SV2A: variants seen among roughly 807,000 people sequenced by gnomAD.
SV2A encodes solute carrier family 22 member B1.
SV2A carries 25 observed loss-of-function variants against 78.0 expected under a neutral mutation model. The ratio of observed to expected loss-of-function variants is 0.32; its 90% CI spans 0.23 to 0.45. The LOEUF (loss-of-function observed/expected upper bound fraction) is 0.45, where lower values mean the gene tolerates loss of function less well. SV2A is among the 20% of genes least tolerant of loss of function. SV2A has a pLI of 1.00. For synonymous variants in SV2A, 355 were observed against 384.7 expected, an observed-to-expected ratio of 0.92 and a Z score of 0.90; for missense variants, 752 against 971.5, an observed-to-expected ratio of 0.77 and a Z score of 3.00.
chr1:149,914,353 C>T (rs1365837047), intron 1 of SV2A, among the ~76,000 whole-genome samples, 166 bp from the exon 2 acceptor site: 1 of 152,148 alleles, frequency 6.6e-6, no homozygotes, highest in African/African-American at 2.4e-5. Context: ...GCTATCTGGG[C>T]TAACCGGGTC....
At chr1:149,911,114 C>A in intron 3 of SV2A, 137 bp from the exon 4 acceptor site, 1 of 1,164,158 alleles carries the variant, frequency 8.6e-7, no homozygotes, top group Non-Finnish European at 1.2e-6. Flanking sequence ...GCCTTACAAG[C>A]TCCCATGTGG....
chr1:149,909,963 C>T, intron 5 of SV2A, 73 bp from the exon 6 acceptor site: 1 of 1,424,592 alleles, frequency 7.0e-7, no homozygotes, highest in Non-Finnish European at 9.8e-7. Flanking sequence ...CCCCTCCCTC[C>T]CACCTGGCTT....
rs782345098 is a variant in SV2A, at chr1:149,913,391, T to C, written c.450A>G (p.Gln150=). ...QRRKEREELA[Q]QYEAILRECG... is the part of the protein sequence containing the mutation. ...ACTCCCGTAGGATGGCTTCATACTGTTGGGCCAGTTCTTCTCGTTCTTTCC... is the reference window on the plus strand; with the variant it reads ...ACTCCCGTAGGATGGCTTCATACTGCTGGGCCAGTTCTTCTCGTTCTTTCC... The change falls in exon 2 of 13, where the codon CAA becomes CAG. Residue 150 remains glutamine, a synonymous_variant. Coordinates refer to ENST00000369146, the MANE Select transcript of SV2A (RefSeq NM_014849.5). The C allele has an allele frequency of 6.2e-7, 1 of 1,614,132 alleles. No individual in the cohort carries two copies. Among genetic ancestry groups the C allele is most frequent in the Non-Finnish European group, 8.5e-7 (1 of 1,180,016 alleles).
At position 149,905,095 on chromosome 1, in the gene SV2A, G is replaced by T. The variant is rs781831604; in HGVS notation, c.2148C>A (p.Ile716=). 2.1e-5 allele frequency: 34 copies of T among 1,613,486 alleles called. No individual in the cohort carries two copies. Among genetic ancestry groups the T allele is most frequent in the Admixed American group, 1.3e-4 (8 of 59,916 alleles). Reference sequence around the variant, plus strand: ...GGGCAAGGGCAGCTGAGGCAAAGAGGATGGGTGCAGCCTTGGTGATTCCCA... The same window carrying T: ...GGGCAAGGGCAGCTGAGGCAAAGAGTATGGGTGCAGCCTTGGTGATTCCCA... ...SFVGITKAAP[I]LFASAALALG... Residue 716 remains isoleucine, a synonymous_variant, in exon 13 of 13, where the codon ATC becomes ATA. Coordinates refer to ENST00000369146, the MANE Select transcript of SV2A (RefSeq NM_014849.5).
Position 149,913,787 on chromosome 1 carries a change from A to G in SV2A, c.54T>C (p.Ile18=), listed in dbSNP as rs1553764176. 6.2e-7 allele frequency: 1 copy of G among 1,613,702 alleles called. No homozygotes were observed. The highest frequency in any genetic ancestry group is 8.5e-7 in the Non-Finnish European group (1 of 1,179,884). ...CCGCATGCTTTTTGACTTCCTTAGC[A>G]ATGTCTTTGGCCCCACGGATGAAAG... The part of the protein sequence containing the change: ...RAAFIRGAKD[I]AKEVKKHAAK... The change falls in exon 2 of 13, where the codon ATT becomes ATC. Residue 18 remains isoleucine, a synonymous_variant. Coordinates refer to ENST00000369146, the MANE Select transcript of SV2A (RefSeq NM_014849.5).
intron 12 of SV2A, chr1:149,905,601 C>G (rs1490782518): frequency 2.8e-6 from 1 of 358,590 alleles, no homozygotes; most frequent in Non-Finnish European, 5.1e-6. Context: ...TTACAGGCAC[C>G]CAGCTAACTT....
Position 149,909,538 on chromosome 1 carries a change from C to G in SV2A, c.1213G>C (p.Glu405Gln). Residue 405 changes from glutamate (E) to glutamine (Q), a missense_variant, in exon 7 of 13, where the codon GAA becomes CAA. Transcript: ENST00000369146. The part of the protein sequence containing the change: ...THIKTIHQED[E>Q]LIEIQSDTGT... Reference sequence around the variant, plus strand: ...GTGTCCGACTGGATCTCAATCAATTCATCCTCCTGATGAATCGTCTTAATG... The same window carrying G: ...GTGTCCGACTGGATCTCAATCAATTGATCCTCCTGATGAATCGTCTTAATG... 6.2e-7 allele frequency: 1 copy of G among 1,614,168 alleles called. No individual in the cohort carries two copies. The highest frequency in any genetic ancestry group is 1.6e-4 in the Middle Eastern group (1 of 6,062).
chr1:149,904,900 CACGGGGA>C lies in SV2A; in HGVS notation c.*107_*113del. On this transcript the variant is annotated 3_prime_UTR_variant, in exon 13 of 13. Coordinates refer to ENST00000369146, the MANE Select transcript of SV2A (RefSeq NM_014849.5). ...ACGCACACACAGCTAAGACACCAAA[CACGGGGA>C]GTGGGGAGTGAGGGCTCTGGAGGTC... 4 of 1,209,288 alleles carry C rather than the reference CACGGGGA, an allele frequency of 3.3e-6. No homozygotes were observed. The highest frequency in any genetic ancestry group is 4.6e-6 in the Non-Finnish European group (4 of 869,894). The allele number at this position is 1,209,288 out of a possible 1,614,324, so 74.9% of individuals were successfully genotyped here. A position where few individuals can be genotyped will look rare whatever the true frequency, so the allele number is the denominator to read the frequency against.
chr1:149,908,644 T>A (rs976943939), intron 8 of SV2A, among the ~76,000 whole-genome samples: 1 of 152,030 alleles, frequency 6.6e-6, no homozygotes, highest in Non-Finnish European at 1.5e-5. Flanking sequence ...TCTCACTTCT[T>A]TTTTTTCTTT....
In SV2A at chr1:149,904,993, C is replaced by A; in HGVS notation, c.*21G>T. The A allele has an allele frequency of 6.3e-7, 1 of 1,594,968 alleles. No homozygotes were observed. The highest frequency in any genetic ancestry group is 8.5e-7 in the Non-Finnish European group (1 of 1,169,756). ...TTGGTCTCACAGTGTGCCTGCCAAT[C>A]CCAAAGCCCTAGAGACCCCTTCACT... On this transcript the variant is annotated 3_prime_UTR_variant, in exon 13 of 13. Coordinates refer to ENST00000369146, the MANE Select transcript of SV2A (RefSeq NM_014849.5).
At chr1:149,905,828 AC>A in intron 12 of SV2A, 51 bp downstream of exon 12, 1 of 1,597,394 alleles carries the variant, frequency 6.3e-7, no homozygotes, top group South Asian at 1.1e-5. Context: ...CTCCTTCCTC[AC>A]CCCACCCCTC....
chr1:149,908,194 C>G lies in SV2A; in HGVS notation c.1392G>C (p.Leu464=), dbSNP rs2092451592. ...WFTMSFSYYG[L]TVWFPDMIRH... is the part of the protein sequence containing the mutation. ...GGATCATGTCAGGAAACCAGACGGT[C>G]AGGCCATAGTAGCTGAAGAGTCAAG... The change falls in exon 9 of 13, where the codon CTG becomes CTC. Residue 464 remains leucine (L), a synonymous_variant. Coordinates refer to ENST00000369146, the MANE Select transcript of SV2A (RefSeq NM_014849.5). 1 of 1,613,810 alleles carries G rather than the reference C, an allele frequency of 6.2e-7. No homozygotes were observed. Among genetic ancestry groups the G allele is most frequent in the Non-Finnish European group, 8.5e-7 (1 of 1,179,894 alleles).
intron 1 of SV2A, among the ~76,000 whole-genome samples, chr1:149,914,755 G>T (rs1255332835): frequency 6.6e-6 from 1 of 152,168 alleles, no homozygotes; most frequent in African/African-American, 2.4e-5. Context: ...TTGACTTCCT[G>T]TTTTGGCAAA....
At position 149,910,984 on chromosome 1, in the gene SV2A, T is replaced by A. The variant is rs782523349; in HGVS notation, c.804-7A>T. ...GGGGATGGACCCTCCAATCCTGAAG[T>A]GCATTTCAAGAATTCAGCATTAGCA... On this transcript the variant is annotated splice_region_variant and splice_polypyrimidine_tract_variant and intron_variant, in intron 3 of 12. Coordinates refer to ENST00000369146, the MANE Select transcript of SV2A (RefSeq NM_014849.5). The surrounding 1 kb of genome is among the most constrained non-coding windows in gnomAD (Gnocchi z 4.2). 3 of 1,612,198 alleles carry A rather than the reference T, an allele frequency of 1.9e-6. No homozygotes were observed. Among genetic ancestry groups the A allele is most frequent in the Non-Finnish European group, 1.7e-6 (2 of 1,179,158 alleles).
chr1:149,909,324 C>T, intron 7 of SV2A, 44 bp from the exon 8 acceptor site: 1 of 1,604,630 alleles, frequency 6.2e-7, no homozygotes, highest in South Asian at 1.1e-5. Flanking sequence ...ATACTAAGTT[C>T]TAGCACCCAT....
Position 149,904,519 on chromosome 1 carries a change from C to G in SV2A, c.*495G>C, listed in dbSNP as rs1039534739. 2 of 153,190 alleles carry G rather than the reference C, an allele frequency of 1.3e-5. No homozygotes were observed. Among genetic ancestry groups the G allele is most frequent in the African/African-American group, 4.8e-5 (2 of 41,464 alleles). The allele number at this position is 153,190 out of a possible 1,614,324, so 9.5% of individuals were successfully genotyped here. ...AGGGCTGAGGTTTATTGCTTCTCCC[C>G]CAGCATCCAACAGGAGATGTGAGAG... On this transcript the variant is annotated 3_prime_UTR_variant, in exon 13 of 13. Coordinates refer to ENST00000369146, the MANE Select transcript of SV2A (RefSeq NM_014849.5).
At chr1:149,915,287 G>A (rs1247677036) in intron 1 of SV2A, among the ~76,000 whole-genome samples, 1 of 152,172 alleles carries the variant, frequency 6.6e-6, no homozygotes, top group Non-Finnish European at 1.5e-5. Flanking sequence ...GACAACAGGG[G>A]GGTCATACTT....
chr1:149,916,980 T>C (rs1440196232), intron 1 of SV2A, among the ~76,000 whole-genome samples: 2 of 151,808 alleles, frequency 1.3e-5, no homozygotes. Context: ...TGCACAGACA[T>C]AGAGACCGCC....
At chr1:149,915,890 AAC>A (rs60828738) in intron 1 of SV2A, among the ~76,000 whole-genome samples, 7,198 of 149,342 alleles carry the variant, frequency 0.048, 207 homozygotes, top group Non-Finnish European at 0.074. Flanking sequence ...CCTTCATTAA[AAC>A]ACACACACAC....
Sources: gnomAD v4.1 joint callset for allele counts (sites outside exome capture counted in the v4.1 genomes callset) on GRCh38, gnomAD v4.1.1 for gene constraint, Gnocchi (gnomAD v3.1) non-coding constraint, MANE v1.5 for transcripts, NCBI Gene and HGNC (gene_info 2026-07-23, HGNC 2026-07-21) for gene names.